SP1: variants seen among roughly 807,000 people sequenced by gnomAD.
SP1 encodes transcription factor Sp1.
Under a neutral mutation model 66.3 loss-of-function variants are expected in SP1, and 6 were observed. That is an observed-to-expected ratio of 0.09 (90% CI 0.05 to 0.18). The LOEUF (loss-of-function observed/expected upper bound fraction) is 0.18. Ranked by LOEUF, SP1 falls within the 10% of genes least tolerant of loss-of-function variation. SP1 has a pLI of 1.00. For missense variants in SP1, 848 were observed against 964.5 expected, an observed-to-expected ratio of 0.88 and a Z score of 1.60; for synonymous variants, 417 against 360.8, an observed-to-expected ratio of 1.16 and a Z score of -1.77.
At position 53,383,335 on chromosome 12, in the gene SP1, G is replaced by C; in HGVS notation, c.1388G>C (p.Ser463Thr). 1.2e-6 allele frequency: 2 copies of C among 1,614,234 alleles called. No individual in the cohort carries two copies. Among genetic ancestry groups the C allele is most frequent in the Non-Finnish European group, 1.7e-6 (2 of 1,180,044 alleles). ...ACAGTGGGGCCCAATGGACAGGTCA[G>C]TTGGCAGACTCTACAGCTGCAGAAC... ...TPTVGPNGQV[S>T]WQTLQLQNLQ... Residue 463 changes from serine to threonine, a missense_variant, in exon 3 of 6, where the codon AGT becomes ACT. Physicochemically the swap from Ser to Thr is moderately conservative, Grantham distance 58 (BLOSUM62 1). Around this residue, in one of 7 missense-constraint regions of SP1, gnomAD observed 606 missense variants for 589.9 expected, o/e 1.03. Transcript: ENST00000327443.
intron 3 of SP1, among the ~76,000 whole-genome samples, chr12:53,402,533 G>A (rs995021003): frequency 3.0e-4 from 45 of 150,880 alleles, no homozygotes; most frequent in African/African-American, 1.0e-3. Context: ...GGACTGCTCC[G>A]TAAAAGTGAC....
chr12:53,385,859 G>A (rs1166315458), intron 3 of SP1, among the ~76,000 whole-genome samples: 2 of 150,268 alleles, frequency 1.3e-5, no homozygotes, highest in Non-Finnish European at 2.9e-5. Flanking sequence ...CTTGGAGCGA[G>A]CCAAGATCGT....
chr12:53,384,441 C>T (rs1419262690), intron 3 of SP1, among the ~76,000 whole-genome samples: 3 of 151,852 alleles, frequency 2.0e-5, no homozygotes, highest in African/African-American at 4.8e-5. Context: ...AGCACCACCA[C>T]GCCCAGCTAA....
intron 3 of SP1, among the ~76,000 whole-genome samples, chr12:53,388,463 C>T (rs1482026241): frequency 6.6e-6 from 1 of 152,114 alleles, no homozygotes; most frequent in Non-Finnish European, 1.5e-5. Flanking sequence ...GCTTGACATT[C>T]ACTAAGGAGA....
At position 53,382,250 on chromosome 12, in the gene SP1, A is replaced by G. The variant is rs765285133; in HGVS notation, c.303A>G (p.Ser101=). The G allele has an allele frequency of 4.3e-6, 7 of 1,614,160 alleles. No individual in the cohort carries two copies. The South Asian group carries it at 7.7e-5, about 18-fold the overall frequency. ...TTGACCTCACAGCCACACAACTTTCACAGGGTGCCAATGGCTGGCAGATCA... is the reference window on the plus strand; with the variant it reads ...TTGACCTCACAGCCACACAACTTTCGCAGGGTGCCAATGGCTGGCAGATCA... ...GELDLTATQL[S]QGANGWQIIS... Residue 101 remains serine (S), a synonymous_variant, in exon 3 of 6, where the codon TCA becomes TCG. Coordinates refer to ENST00000327443, the MANE Select transcript of SP1 (RefSeq NM_138473.3).
intron 3 of SP1, among the ~76,000 whole-genome samples, chr12:53,404,856 G>A (rs1351778888): frequency 6.6e-6 from 1 of 151,950 alleles, no homozygotes; most frequent in Non-Finnish European, 1.5e-5. Flanking sequence ...ATTATTTGGC[G>A]ACGAAGTCTC....
At chr12:53,385,049 C>T (rs1258171449) in intron 3 of SP1, among the ~76,000 whole-genome samples, 6 of 151,284 alleles carry the variant, frequency 4.0e-5, no homozygotes, top group African/African-American at 1.5e-4. Flanking sequence ...AATCCCAGCA[C>T]TTTGGGAGGC....
At chr12:53,380,850 T>C (rs1205135666) in intron 1 of SP1, among the ~76,000 whole-genome samples, 1 of 150,916 alleles carries the variant, frequency 6.6e-6, no homozygotes, top group Non-Finnish European at 1.5e-5. Flanking sequence ...TGTAGATCCC[T>C]TTAGTTCCTT....
Position 53,406,659 on chromosome 12 carries a change from G to A in SP1, c.1750G>A (p.Glu584Lys). Residue 584 changes from glutamate to lysine, a missense_variant, in exon 4 of 6, where the codon GAA becomes AAA. Glu to Lys is a moderately conservative substitution (Grantham distance 56, BLOSUM62 1). Coordinates refer to ENST00000327443, the MANE Select transcript of SP1 (RefSeq NM_138473.3). Reference sequence around the variant, plus strand: ...ACATGATGACACAGCAGGTGGAGAGGAAGGAGAAAACAGCCCAGATGCCCA... The same window carrying A: ...ACATGATGACACAGCAGGTGGAGAGAAAGGAGAAAACAGCCCAGATGCCCA... ...GIHDDTAGGEEGENSPDAQPQ... is the reference protein window; with the variant it reads ...GIHDDTAGGEKGENSPDAQPQ... 1 of 1,614,082 alleles carries A rather than the reference G, an allele frequency of 6.2e-7. No homozygotes were observed. The highest frequency in any genetic ancestry group is 8.5e-7 in the Non-Finnish European group (1 of 1,180,000).
rs1018562345 is a variant in SP1 at position 53,413,112 on chromosome 12, A to T, written c.*1872A>T. The T allele has an allele frequency of 6.5e-6, 1 of 152,682 alleles. No individual in the cohort carries two copies. Among genetic ancestry groups the T allele is most frequent in the Middle Eastern group, 3.2e-3 (1 of 316 alleles). 9.5% of individuals were successfully genotyped at this position (152,682 alleles called of 1,614,324 possible). A position where few individuals can be genotyped will look rare whatever the true frequency, so the allele number is the denominator to read the frequency against. Reference sequence around the variant, plus strand: ...CATGCCCGTATATGTCTACACACAGATGACAAATTATATTTGAAATCGTTG... The same window carrying T: ...CATGCCCGTATATGTCTACACACAGTTGACAAATTATATTTGAAATCGTTG... On this transcript the variant is annotated 3_prime_UTR_variant, in exon 6 of 6. Coordinates refer to ENST00000327443, the MANE Select transcript of SP1 (RefSeq NM_138473.3).
At chr12:53,402,446 A>T (rs1592568300) in intron 3 of SP1, among the ~76,000 whole-genome samples, 1 of 149,698 alleles carries the variant, frequency 6.7e-6, no homozygotes, top group Non-Finnish European at 1.5e-5. Flanking sequence ...CTGGTCTCGA[A>T]CTCCTGACCT....
intron 3 of SP1, among the ~76,000 whole-genome samples, chr12:53,385,729 A>G (rs1040875472): frequency 2.0e-5 from 3 of 152,124 alleles, no homozygotes; most frequent in Non-Finnish European, 2.9e-5. Context: ...CCTGACCAAT[A>G]TGGTGAAACC....
intron 5 of SP1, 37 bp downstream of exon 5, chr12:53,409,598 G>C: frequency 3.3e-6 from 5 of 1,535,482 alleles, no homozygotes; most frequent in Non-Finnish European, 4.5e-6. Context: ...AATAGTAATA[G>C]ACTAGAATGA....
chr12:53,397,272 A>G (rs1938511177), intron 3 of SP1, among the ~76,000 whole-genome samples: 1 of 151,908 alleles, frequency 6.6e-6, no homozygotes, highest in African/African-American at 2.4e-5. Flanking sequence ...CAGCCTCCCA[A>G]AATGCTGAGA....
At chr12:53,392,574 G>T (rs531901342) in intron 3 of SP1, among the ~76,000 whole-genome samples, 1 of 151,408 alleles carries the variant, frequency 6.6e-6, no homozygotes, top group East Asian at 2.0e-4. Context: ...AGCCGGGATG[G>T]TCTCGATCTC....
intron 3 of SP1, among the ~76,000 whole-genome samples, chr12:53,390,992 GAAAATGTTTT>G: frequency 6.6e-6 from 1 of 152,068 alleles, no homozygotes; most frequent in East Asian, 1.9e-4. Flanking sequence ...TACCCTCTTT[GAAAATGTTTT>G]AAAATGTAAG....
chr12:53,398,757 G>T (rs1403638522), intron 3 of SP1, among the ~76,000 whole-genome samples: 1 of 152,042 alleles, frequency 6.6e-6, no homozygotes, highest in Admixed American at 6.6e-5. Context: ...AAGATCTGTA[G>T]AACTTAAATT....
chr12:53,404,816 G>T lies in SP1; in HGVS notation c.1676-1769G>T, dbSNP rs371660475. ...CTCCTGAGTAGCTGGGACCATAGGC[G>T]CATGCCACCATGCCCAGCTAATTAT... On this transcript the variant is annotated intron_variant, in intron 3 of 5. Transcript: ENST00000327443. Among the ~76,000 whole-genome samples the T allele has an allele frequency of 6.6e-5, 10 of 151,894 alleles. No individual in the cohort carries two copies. In the East Asian group the frequency reaches 1.9e-3, roughly 30 times the overall value.
chr12:53,407,655 G>C (rs938018338), intron 4 of SP1, among the ~76,000 whole-genome samples: 1 of 149,700 alleles, frequency 6.7e-6, no homozygotes, highest in Non-Finnish European at 1.5e-5. Context: ...TTTTTGTTTT[G>C]AGATGGAGTC....
Sources: gnomAD v4.1 joint callset for allele counts (sites outside exome capture counted in the v4.1 genomes callset) on GRCh38, gnomAD v4.1.1 for gene constraint, gnomAD v4.1.1 regional missense constraint, MANE v1.5 for transcripts, NCBI Gene and HGNC (gene_info 2026-07-23, HGNC 2026-07-21) for gene names.